Variants in IL1RAPL2 observed in about 807,000 individuals in gnomAD.
IL1RAPL2 encodes the protein interleukin 1 receptor accessory protein like 2.
A neutral mutation model predicts 44.1 loss-of-function variants in IL1RAPL2; 3 were observed. The ratio of observed to expected loss-of-function variants is 0.07; its 90% CI spans 0.03 to 0.18. IL1RAPL2 has a LOEUF of 0.18. Among genes scored for constraint, IL1RAPL2 ranks in the 10% least tolerant of loss-of-function variants. IL1RAPL2 has a pLI of 1.00. For synonymous variants in IL1RAPL2, 181 were observed against 178.8 expected (o/e 1.01, Z -0.10); for missense variants, 391 against 496.4 (o/e 0.79, Z 2.02).
At chrX:105,357,721 A>G (rs755038167) in intron 5 of IL1RAPL2, among the ~76,000 whole-genome samples, 2 of 90,143 alleles carry the variant, frequency 2.2e-5, no homozygotes, top group African/African-American at 9.0e-5. Context: ...GCTTTTTTTG[A>G]TAAACCATAT....
chrX:105,740,509 C>T, intron 7 of IL1RAPL2, 37 bp from the exon 8 acceptor site: 1 of 1,195,482 alleles, frequency 8.4e-7, no homozygotes, highest in Non-Finnish European at 1.1e-6. Flanking sequence ...CTCCCCAAAT[C>T]AAGCCAATTC....
At chrX:105,031,226 A>G (rs1266686753) in intron 2 of IL1RAPL2, among the ~76,000 whole-genome samples, 3 of 108,306 alleles carry the variant, frequency 2.8e-5, no homozygotes, top group Non-Finnish European at 5.7e-5. Context: ...CTAATTGAAT[A>G]CCCTTTATTT....
intron 6 of IL1RAPL2, among the ~76,000 whole-genome samples, chrX:105,625,531 C>T (rs1045065974): frequency 2.7e-5 from 3 of 112,092 alleles, no homozygotes; most frequent in Admixed American, 9.5e-5. Flanking sequence ...TGCTTCACAG[C>T]AACTTAAAAC....
intron 9 of IL1RAPL2, among the ~76,000 whole-genome samples, chrX:105,751,975 G>A (rs1231547845): frequency 8.9e-6 from 1 of 111,741 alleles, no homozygotes; most frequent in Non-Finnish European, 1.9e-5. Context: ...TTTCCTAAAA[G>A]TTATTATAAA....
At chrX:104,693,715 T>C (rs1429013525) in intron 2 of IL1RAPL2, among the ~76,000 whole-genome samples, 1 of 112,160 alleles carries the variant, frequency 8.9e-6, no homozygotes, top group Non-Finnish European at 1.9e-5. Flanking sequence ...CATCCTTTTA[T>C]TGGGGAAAAT....
chrX:104,594,958 C>A (rs768419210), intron 1 of IL1RAPL2, among the ~76,000 whole-genome samples: 1 of 111,797 alleles, frequency 8.9e-6, no homozygotes, highest in Admixed American at 9.5e-5. Context: ...CAGGTGGCTT[C>A]GTATGGCATG....
At chrX:104,916,079 A>G (rs11092512) in intron 2 of IL1RAPL2, among the ~76,000 whole-genome samples, 49,188 of 110,040 alleles carry the variant, frequency 0.45, 8,800 homozygotes, top group Middle Eastern at 0.65. Context: ...TATGAACTTT[A>G]AAGTAGTTTT....
chrX:105,205,587 TAAAAAAAAAAAAAAAAAAAAAA>T (rs375473348), intron 3 of IL1RAPL2, among the ~76,000 whole-genome samples: 22 of 8,212 alleles, frequency 2.7e-3, no homozygotes, highest in African/African-American at 3.8e-3. Flanking sequence ...AAGACTCTGT[TAAAAAAAAAAAAAAAAAAAAAA>T]AAAAAAAAAA....
At chrX:105,394,068 T>A (rs1409952811) in intron 5 of IL1RAPL2, among the ~76,000 whole-genome samples, 2 of 112,285 alleles carry the variant, frequency 1.8e-5, no homozygotes, top group African/African-American at 6.5e-5. Context: ...TGAACTGTCA[T>A]GAGAAGTTTG....
intron 2 of IL1RAPL2, among the ~76,000 whole-genome samples, chrX:105,048,919 C>G (rs780071843): frequency 2.7e-5 from 3 of 112,045 alleles, no homozygotes; most frequent in Non-Finnish European, 3.8e-5. Context: ...AGACTTAATG[C>G]CTTTATCTTC....
chrX:105,361,621 A>T (rs1318981935), intron 5 of IL1RAPL2, among the ~76,000 whole-genome samples: 1 of 111,288 alleles, frequency 9.0e-6, no homozygotes, highest in Non-Finnish European at 1.9e-5. Context: ...ATTTCTAGAA[A>T]CAACTGAAAG....
chrX:104,600,479 G>A (rs1928859127), intron 1 of IL1RAPL2, among the ~76,000 whole-genome samples: 1 of 110,446 alleles, frequency 9.1e-6, no homozygotes, highest in Non-Finnish European at 1.9e-5. Context: ...GATATGATAT[G>A]CAAACCACAG....
intron 2 of IL1RAPL2, among the ~76,000 whole-genome samples, chrX:105,016,676 G>A (rs2031184467): frequency 9.0e-6 from 1 of 111,702 alleles, no homozygotes; most frequent in Non-Finnish European, 1.9e-5. Flanking sequence ...ACTTGATCGT[G>A]GTGGATAAGC....
intron 2 of IL1RAPL2, among the ~76,000 whole-genome samples, chrX:104,707,330 C>G (rs1208471404): frequency 9.0e-6 from 1 of 111,540 alleles, no homozygotes; most frequent in African/African-American, 3.3e-5. Flanking sequence ...TAATTAAATG[C>G]ATTAGGCCCT....
At chrX:105,496,993 A>G (rs992919296) in intron 6 of IL1RAPL2, among the ~76,000 whole-genome samples, 4 of 111,516 alleles carry the variant, frequency 3.6e-5, no homozygotes, top group African/African-American at 9.8e-5. Context: ...TTGGTTCTCA[A>G]TGTTGATTCC....
chrX:105,391,013 T>C (rs2035517706), intron 5 of IL1RAPL2, among the ~76,000 whole-genome samples: 2 of 112,063 alleles, frequency 1.8e-5, no homozygotes, highest in South Asian at 7.4e-4. Flanking sequence ...ACAGACATTT[T>C]CTTCATTTAA....
chrX:104,622,823 T>C (rs988937745), intron 1 of IL1RAPL2, among the ~76,000 whole-genome samples: 1 of 112,320 alleles, frequency 8.9e-6, no homozygotes, highest in African/African-American at 3.2e-5. Context: ...GTAACTTGTC[T>C]ATTAGTCAGT....
intron 2 of IL1RAPL2, among the ~76,000 whole-genome samples, chrX:104,826,108 T>G (rs1354884950): frequency 8.9e-6 from 1 of 112,086 alleles, no homozygotes; most frequent in Non-Finnish European, 1.9e-5. Flanking sequence ...AGGATACTAT[T>G]TAGAATTTGT....
chrX:105,396,401 G>C (rs1306020406), intron 5 of IL1RAPL2, among the ~76,000 whole-genome samples: 5 of 105,769 alleles, frequency 4.7e-5, no homozygotes, highest in Non-Finnish European at 9.8e-5. Context: ...CCTTGAGTCT[G>C]GACCTTGGGA....
Sources: allele counts gnomAD v4.1 joint callset (sites outside exome capture counted in the v4.1 genomes callset), GRCh38; gene constraint gnomAD v4.1.1; transcripts MANE v1.5; gene names NCBI Gene and HGNC (gene_info 2026-07-23, HGNC 2026-07-21).